CWF19L2: variants seen among roughly 807,000 people sequenced by gnomAD.
The protein encoded by CWF19L2 is CWF19-like protein 2.
In CWF19L2, 98 loss-of-function variants were observed where a neutral mutation model predicts 111.7. The observed-to-expected ratio is 0.88, with a 90% CI of 0.75 to 1.04. CWF19L2 has a LOEUF of 1.04. CWF19L2 is among the 50% of genes least tolerant of loss of function. CWF19L2 has a pLI of 0.00. For missense variants in CWF19L2, 1,101 were observed against 1,051.4 expected (o/e 1.05, Z -0.65); for synonymous variants, 351 against 342.9 (o/e 1.02, Z -0.26).
chr11:107,441,781 T>C (rs553650463), intron 4 of CWF19L2, among the ~76,000 whole-genome samples, 159 bp from the exon 5 acceptor site: 1 of 152,362 alleles, frequency 6.6e-6, no homozygotes, highest in African/African-American at 2.4e-5. Flanking sequence ...AGCAAGCTTC[T>C]AAATCTCTCT....
At chr11:107,422,009 T>C (rs779562482) in intron 8 of CWF19L2, among the ~76,000 whole-genome samples, 10 of 152,032 alleles carry the variant, frequency 6.6e-5, no homozygotes, top group Non-Finnish European at 8.8e-5. Context: ...TACCCACCAA[T>C]AGTATATTAC....
In CWF19L2 at chr11:107,455,742, T is replaced by G. The variant is rs1275895641; in HGVS notation, c.140A>C (p.Lys47Thr). Reference sequence around the variant, plus strand: ...CTCACCCCGAAGTCGCTTAAGTTCTTTACGCCTTTCTTCTTTTTCAAAATT... The same window carrying G: ...CTCACCCCGAAGTCGCTTAAGTTCTGTACGCCTTTCTTCTTTTTCAAAATT... Reference protein sequence around the residue: ...KANFEKEERRKELKRLRGEDT... With the variant: ...KANFEKEERRTELKRLRGEDT... The change falls in exon 2 of 18, where the codon AAA becomes ACA. Residue 47 changes from lysine to threonine, a missense_variant. Coordinates refer to ENST00000282251, the MANE Select transcript of CWF19L2 (RefSeq NM_152434.3). 1 of 1,551,140 alleles carries G rather than the reference T, an allele frequency of 6.4e-7. No individual in the cohort carries two copies. The highest frequency in any genetic ancestry group is 1.4e-5 in the African/African-American group (1 of 73,022).
At chr11:107,397,780 C>T (rs1860945320) in intron 10 of CWF19L2, among the ~76,000 whole-genome samples, 1 of 152,206 alleles carries the variant, frequency 6.6e-6, no homozygotes, top group African/African-American at 2.4e-5. Context: ...CCCTCTGTCA[C>T]ATCCACCAGA....
Position 107,361,976 on chromosome 11 carries a change from G to A in CWF19L2, c.1873-8240C>T, listed in dbSNP as rs533994343. On this transcript the variant is annotated intron_variant, in intron 12 of 17. Transcript: ENST00000282251. ...AGGTTAGTGGGTGCACGCACCGTGC[G>A]TGAGCCGAAGCAGGGCGAGGCATTG... is the stretch of plus-strand genomic sequence containing the variant. Among the ~76,000 whole-genome samples, 27 of 152,320 alleles carry A rather than the reference G, an allele frequency of 1.8e-4. No homozygotes were observed. The East Asian group carries it at 1.9e-3, about 11-fold the overall frequency.
intron 12 of CWF19L2, among the ~76,000 whole-genome samples, chr11:107,372,323 G>C (rs1166229361): frequency 7.4e-6 from 1 of 134,674 alleles, no homozygotes; most frequent in African/African-American, 3.0e-5. Context: ...GATGAGATTT[G>C]TATGAATATT....
chr11:107,415,498 T>G (rs1386750839), intron 10 of CWF19L2, among the ~76,000 whole-genome samples: 1 of 152,238 alleles, frequency 6.6e-6, no homozygotes, highest in East Asian at 1.9e-4. Context: ...TTATTTGTTT[T>G]GTTCACTAAC....
rs1056225414 is a variant in CWF19L2 at position 107,379,994 on chromosome 11, C to T, written c.1872+10080G>A. ...GAGAATGGCCTGAGCTTGCAGTGAG[C>T]TGAGATCGTACCACTGCCCTCCAAC... is the stretch of plus-strand genomic sequence containing the variant. On this transcript the variant is annotated intron_variant, in intron 12 of 17. Transcript: ENST00000282251. Among the ~76,000 whole-genome samples, 13 of 125,054 alleles carry T rather than the reference C, an allele frequency of 1.0e-4. 1 individual carries two copies. The East Asian group carries it at 3.1e-3, about 29-fold the overall frequency. The allele number at this position is 125,054 out of a possible 152,430, so 82.0% of individuals were successfully genotyped here.
rs952516699 is a variant in CWF19L2, at chr11:107,334,914, C to A, written c.2406G>T (p.Leu802Phe). The change falls in exon 16 of 18, where the codon TTG (leucine) becomes TTT (phenylalanine). Residue 802 changes from leucine (L) to phenylalanine (F), a missense_variant. Leu to Phe is a conservative substitution (Grantham distance 22, BLOSUM62 0). Transcript: ENST00000282251. Reference sequence around the variant, plus strand: ...TGATATCTTTTGAAGAGAGATCTATCAACTTCTTGTTCATGGACCACTCTT... The same window carrying A: ...TGATATCTTTTGAAGAGAGATCTATAAACTTCTTGTTCATGGACCACTCTT... ...SDEEWSMNKK[L>F]IDLSSKDIRK... The A allele has an allele frequency of 3.7e-6, 6 of 1,607,674 alleles. No individual in the cohort carries two copies. In the African/African-American group the frequency reaches 6.7e-5, roughly 18 times the overall value.
chr11:107,404,554 G>A (rs1246280901), intron 10 of CWF19L2: 5 of 662,200 alleles, frequency 7.6e-6, no homozygotes, highest in South Asian at 1.6e-5. Flanking sequence ...CAGGAGCTGG[G>A]GTGGGAGGTG....
intron 13 of CWF19L2, among the ~76,000 whole-genome samples, chr11:107,350,504 A>G (rs1184677923): frequency 6.6e-6 from 1 of 152,094 alleles, no homozygotes; most frequent in Non-Finnish European, 1.5e-5. Flanking sequence ...CGACACACCA[A>G]TAAGATGACT....
At chr11:107,372,487 G>A (rs1461788504) in intron 12 of CWF19L2, among the ~76,000 whole-genome samples, 1 of 136,564 alleles carries the variant, frequency 7.3e-6, no homozygotes, top group African/African-American at 2.9e-5. Flanking sequence ...AAAAGAGTGT[G>A]ATTCAAGATG....
chr11:107,356,031 G>A (rs1860232520), intron 12 of CWF19L2, among the ~76,000 whole-genome samples: 2 of 152,164 alleles, frequency 1.3e-5, no homozygotes, highest in African/African-American at 4.8e-5. Context: ...CTTAAAGTAT[G>A]TTCTCTGAAC....
At position 107,346,642 on chromosome 11, in the gene CWF19L2, G is replaced by A. The variant is rs1204146087; in HGVS notation, c.2202+2295C>T. Among the ~76,000 whole-genome samples, 5 of 152,160 alleles carry A rather than the reference G, an allele frequency of 3.3e-5. 1 individual carries two copies. In the South Asian group the frequency reaches 6.2e-4, roughly 19 times the overall value. ...TATTAAAAAAGCAATCAACATGACA[G>A]ATCCCCTCCTCATGATCAGAACACT... On this transcript the variant is annotated intron_variant, in intron 14 of 17. Coordinates refer to ENST00000282251, the MANE Select transcript of CWF19L2 (RefSeq NM_152434.3).
At chr11:107,387,843 A>G (rs780941718) in intron 12 of CWF19L2, among the ~76,000 whole-genome samples, 1 of 152,164 alleles carries the variant, frequency 6.6e-6, no homozygotes, top group Non-Finnish European at 1.5e-5. Context: ...TGTGCGGCCC[A>G]GTTCCAAATA....
intron 10 of CWF19L2, among the ~76,000 whole-genome samples, chr11:107,394,311 T>C (rs915792112): frequency 1.3e-5 from 2 of 152,192 alleles, no homozygotes; most frequent in African/African-American, 4.8e-5. Flanking sequence ...TGAAGTGCCA[T>C]CTTTTAAAAG....
chr11:107,343,894 TTAAA>T (rs1227590063), intron 14 of CWF19L2, among the ~76,000 whole-genome samples: 2 of 152,188 alleles, frequency 1.3e-5, no homozygotes, highest in Admixed American at 6.5e-5. Context: ...TAAAATTGTC[TTAAA>T]TACTTTCTCC....
At chr11:107,330,093 T>C (rs1305269934) in intron 16 of CWF19L2, 74 bp from the exon 17 acceptor site, 1 of 791,098 alleles carries the variant, frequency 1.3e-6, no homozygotes, top group African/African-American at 1.8e-5. Context: ...TCCCCTCTTC[T>C]CTGGAAGGAC....
intron 16 of CWF19L2, among the ~76,000 whole-genome samples, chr11:107,334,122 G>T (rs1859888297): frequency 1.3e-5 from 2 of 152,032 alleles, no homozygotes; most frequent in Non-Finnish European, 2.9e-5. Context: ...GAATCTTTCT[G>T]TTTTGTTCCA....
intron 12 of CWF19L2, among the ~76,000 whole-genome samples, chr11:107,383,247 T>C (rs983873812): frequency 1.3e-5 from 2 of 152,156 alleles, no homozygotes; most frequent in Non-Finnish European, 2.9e-5. Context: ...GGTACCAGTC[T>C]GGGCATCTGG....
Sources: allele counts gnomAD v4.1 joint callset (sites outside exome capture counted in the v4.1 genomes callset), GRCh38; gene constraint gnomAD v4.1.1; transcripts MANE v1.5; gene names NCBI Gene and HGNC (gene_info 2026-07-23, HGNC 2026-07-21).